UVRAG: variants seen among roughly 807,000 people sequenced by gnomAD.
The protein encoded by UVRAG is UV radiation resistance-associated gene protein.
UVRAG carries 19 observed loss-of-function variants against 78.0 expected under a neutral mutation model. The ratio of observed to expected loss-of-function variants is 0.24; its 90% CI spans 0.17 to 0.36. UVRAG has a LOEUF of 0.36. UVRAG is among the 10% of genes least tolerant of loss of function. The pLI is 1.00. For synonymous variants in UVRAG, 323 were observed against 324.6 expected, an observed-to-expected ratio of 1.00 and a Z score of 0.05; for missense variants, 740 against 853.8, an observed-to-expected ratio of 0.87 and a Z score of 1.66.
At position 76,143,451 on chromosome 11, in the gene UVRAG, C is replaced by G. The variant is rs1272074637; in HGVS notation, c.*2038C>G. On this transcript the variant is annotated 3_prime_UTR_variant, in exon 15 of 15. Coordinates refer to ENST00000356136, the MANE Select transcript of UVRAG (RefSeq NM_003369.4). ...TCAGTGCCCCCCACCGCTGTGCAGA[C>G]TCCCTGGTTGATCCTGGGCTTGTGG... Among the ~76,000 whole-genome samples the G allele has an allele frequency of 6.6e-6, 1 of 152,240 alleles. No individual in the cohort carries two copies. The highest frequency in any genetic ancestry group is 1.5e-5 in the Non-Finnish European group (1 of 68,048).
chr11:75,913,746 G>A (rs770039688), intron 6 of UVRAG, among the ~76,000 whole-genome samples: 1 of 152,150 alleles, frequency 6.6e-6, no homozygotes, highest in Non-Finnish European at 1.5e-5. Context: ...CCTTTTAATA[G>A]TCTCACCTTC....
chr11:75,963,574 G>T (rs1220510779), intron 7 of UVRAG, among the ~76,000 whole-genome samples: 2 of 152,120 alleles, frequency 1.3e-5, no homozygotes, highest in Non-Finnish European at 2.9e-5. Context: ...CGATATTTAA[G>T]AAATCATTTT....
intron 6 of UVRAG, among the ~76,000 whole-genome samples, chr11:75,918,882 A>G (rs528839657): frequency 8.5e-5 from 13 of 152,330 alleles, no homozygotes; most frequent in African/African-American, 2.4e-4. Flanking sequence ...TGAAAATGCA[A>G]TCAGGTCTGT....
chr11:76,048,039 T>C (rs1443355538), intron 12 of UVRAG, among the ~76,000 whole-genome samples: 1 of 152,226 alleles, frequency 6.6e-6, no homozygotes, highest in Non-Finnish European at 1.5e-5. Context: ...GACACAAGTT[T>C]GTATTAAAGG....
chr11:75,830,109 G>A (rs1945621144), intron 1 of UVRAG, among the ~76,000 whole-genome samples: 2 of 152,066 alleles, frequency 1.3e-5, no homozygotes, highest in Admixed American at 1.3e-4. Flanking sequence ...CAAAGTGCTG[G>A]GATTACAGAT....
At chr11:75,938,988 G>A (rs780310415) in intron 6 of UVRAG, among the ~76,000 whole-genome samples, 4 of 152,026 alleles carry the variant, frequency 2.6e-5, no homozygotes, top group Non-Finnish European at 5.9e-5. Flanking sequence ...GCATTAAGCC[G>A]GGGCAATTGT....
At chr11:76,024,180 G>T (rs145385736) in intron 12 of UVRAG, among the ~76,000 whole-genome samples, 127 of 152,304 alleles carry the variant, frequency 8.3e-4, no homozygotes, top group African/African-American at 3.0e-3. Context: ...TTGCGAGCTT[G>T]CAGGAAGGGT....
intron 9 of UVRAG, among the ~76,000 whole-genome samples, chr11:76,005,807 A>G (rs1949923964): frequency 6.6e-6 from 1 of 152,244 alleles, no homozygotes; most frequent in Non-Finnish European, 1.5e-5. Context: ...ACTCAGAGAA[A>G]CATTTACTTA....
At chr11:76,116,089 A>C (rs1591255454) in intron 14 of UVRAG, 74 bp downstream of exon 14, 2 of 1,372,098 alleles carry the variant, frequency 1.5e-6, no homozygotes, top group East Asian at 4.7e-5. Flanking sequence ...TGACTTCCAC[A>C]TTGCTCCACA....
At chr11:76,137,662 G>GC in intron 14 of UVRAG, 1 of 355,618 alleles carries the variant, frequency 2.8e-6, no homozygotes, top group South Asian at 2.2e-5. Flanking sequence ...ATTTTGGGAG[G>GC]CCAAGGCAAG....
At chr11:76,087,178 G>C (rs545602983) in intron 13 of UVRAG, among the ~76,000 whole-genome samples, 1 of 152,152 alleles carries the variant, frequency 6.6e-6, no homozygotes, top group Non-Finnish European at 1.5e-5. Flanking sequence ...ACATACATGT[G>C]CTTGTGAATG....
intron 3 of UVRAG, among the ~76,000 whole-genome samples, chr11:75,870,870 A>G (rs1157169215): frequency 6.7e-6 from 1 of 150,240 alleles, no homozygotes; most frequent in Non-Finnish European, 1.5e-5. Context: ...TCTTTGCTTT[A>G]TTTTATTTTT....
At position 76,087,154 on chromosome 11, in the gene UVRAG, C is replaced by A. The variant is rs115559235; in HGVS notation, c.1305+21366C>A. On this transcript the variant is annotated intron_variant, in intron 13 of 14. Transcript: ENST00000356136. The stretch of plus-strand genomic sequence containing the variant: ...TTTTCCTCAGTGAGTCCTAATGTTT[C>A]TACATGCGCACACACATACATGTGC... 2.8e-3 allele frequency among the ~76,000 whole-genome samples: 429 copies of A among 152,298 alleles called. 3 individuals carry two copies. Among genetic ancestry groups the A allele is most frequent in the African/African-American group, 9.9e-3 (413 of 41,568 alleles).
chr11:76,072,179 G>A (rs1344434605), intron 13 of UVRAG, among the ~76,000 whole-genome samples: 1 of 152,146 alleles, frequency 6.6e-6, no homozygotes, highest in African/African-American at 2.4e-5. Flanking sequence ...AAGTTGAATA[G>A]AGGAGGAAGA....
At chr11:75,842,729 C>T (rs535585538) in intron 1 of UVRAG, among the ~76,000 whole-genome samples, 5 of 152,146 alleles carry the variant, frequency 3.3e-5, no homozygotes, top group South Asian at 2.1e-4. Context: ...CATGAGCCAC[C>T]GTACCTGGCC....
chr11:75,843,955 T>C (rs1156973628), intron 1 of UVRAG, among the ~76,000 whole-genome samples: 2 of 133,116 alleles, frequency 1.5e-5, no homozygotes, highest in Admixed American at 7.4e-5. Flanking sequence ...CAAGACGCCA[T>C]CTAAAAAAAA....
intron 13 of UVRAG, among the ~76,000 whole-genome samples, chr11:76,101,012 A>C (rs559024636): frequency 2.6e-5 from 4 of 152,156 alleles, no homozygotes; most frequent in Admixed American, 2.0e-4. Flanking sequence ...TCTTCCACTG[A>C]TGGACACTTA....
intron 7 of UVRAG, among the ~76,000 whole-genome samples, chr11:75,966,868 C>T (rs575361540): frequency 1.3e-5 from 2 of 152,164 alleles, no homozygotes; most frequent in Non-Finnish European, 2.9e-5. Flanking sequence ...CTGTTTGTCT[C>T]ATGCATGTGT....
chr11:75,921,067 A>G (rs1367322534), intron 6 of UVRAG, among the ~76,000 whole-genome samples: 1 of 152,182 alleles, frequency 6.6e-6, no homozygotes, highest in Admixed American at 6.5e-5. Flanking sequence ...CCTTGTTTTT[A>G]TGATGATTTT....
Sources: allele counts gnomAD v4.1 joint callset (sites outside exome capture counted in the v4.1 genomes callset), GRCh38; gene constraint gnomAD v4.1.1; transcripts MANE v1.5; gene names NCBI Gene and HGNC (gene_info 2026-07-23, HGNC 2026-07-21).